The following PEX1 variants were observed in gnomAD, a reference collection of about 807,000 sequenced individuals.
PEX1 encodes the protein peroxisomal biogenesis factor 1.
PEX1 carries 97 observed loss-of-function variants against 152.5 expected under a neutral mutation model. The ratio of observed to expected loss-of-function variants is 0.64; its 90% confidence interval spans 0.54 to 0.75. The LOEUF (loss-of-function observed/expected upper bound fraction) is 0.75, where lower values mean the gene tolerates loss of function less well. PEX1 is among the 30% of genes least tolerant of loss of function. The pLI, the probability that PEX1 is intolerant of heterozygous loss-of-function variation, is 0.00. For missense variants in PEX1, 1,357 were observed against 1,516.3 expected, an observed-to-expected ratio of 0.89 and a Z score of 1.74; for synonymous variants, 485 against 531.6, an observed-to-expected ratio of 0.91 and a Z score of 1.21.
At position 92,496,703 on chromosome 7, in the gene PEX1, G is replaced by T. The variant is rs766160850; in HGVS notation, c.2783+10C>A. 1 of 1,575,762 alleles carries T rather than the reference G, an allele frequency of 6.3e-7. No individual in the cohort carries two copies. The highest frequency in any genetic ancestry group is 1.3e-5 in the African/African-American group (1 of 74,236). ...GTCAGTTACTTTAAAAACATTCATAGGCTACCAACCTAATAAAAATATCCC... is the reference window on the plus strand; with the variant it reads ...GTCAGTTACTTTAAAAACATTCATATGCTACCAACCTAATAAAAATATCCC... On this transcript the variant is annotated intron_variant, in intron 17 of 23. Transcript: ENST00000248633.
intron 16 of PEX1, 56 bp downstream of exon 16, chr7:92,499,648 A>G (rs1791826593): frequency 7.0e-7 from 1 of 1,420,372 alleles, no homozygotes; most frequent in Non-Finnish European, 1.0e-6. Flanking sequence ...GAAATGGCTA[A>G]CTGCATTTAT....
At position 92,504,710 on chromosome 7, in the gene PEX1, A is replaced by T. The variant is rs757484132; in HGVS notation, c.2071+22T>A. Reference sequence around the variant, plus strand: ...TGACTGACAAAAGAACAAGACCTTAAGCCAGTGGTGGATGCATTTACCATG... The same window carrying T: ...TGACTGACAAAAGAACAAGACCTTATGCCAGTGGTGGATGCATTTACCATG... On this transcript the variant is annotated intron_variant, in intron 12 of 23. Transcript: ENST00000248633. 3.0e-5 allele frequency: 49 copies of T among 1,611,290 alleles called. 1 individual carries two copies. In the South Asian group the frequency reaches 4.9e-4, roughly 16 times the overall value.
At chr7:92,515,778 G>A (rs1792709896) in intron 5 of PEX1, among the ~76,000 whole-genome samples, 1 of 152,028 alleles carries the variant, frequency 6.6e-6, no homozygotes, top group Non-Finnish European at 1.5e-5. Flanking sequence ...CGGATCACTT[G>A]AGACCAGGAG....
At position 92,495,050 on chromosome 7, in the gene PEX1, C is replaced by T. The variant is rs1417730393; in HGVS notation, c.2784-421G>A. ...TTTTATATTAATATATACTTATTGGCCACCCTTCCTTCTTTTGTGAAATGC... is the reference window on the plus strand; with the variant it reads ...TTTTATATTAATATATACTTATTGGTCACCCTTCCTTCTTTTGTGAAATGC... On this transcript the variant is annotated intron_variant, in intron 17 of 23. Coordinates refer to ENST00000248633, the MANE Select transcript of PEX1 (RefSeq NM_000466.3). Among the ~76,000 whole-genome samples, 4 of 152,032 alleles carry T rather than the reference C, an allele frequency of 2.6e-5. No homozygotes were observed. In the East Asian group the frequency reaches 7.7e-4, roughly 29 times the overall value.
chr7:92,487,685 TA>T (rs1344848754), intron 23 of PEX1, 144 bp from the exon 24 acceptor site: 2 of 462,544 alleles, frequency 4.3e-6, no homozygotes, highest in African/African-American at 4.1e-5. Flanking sequence ...TCACAGAAAT[TA>T]AAAAGAATTC....
At chr7:92,516,297 C>T (rs1792783456) in intron 5 of PEX1, among the ~76,000 whole-genome samples, 1 of 151,712 alleles carries the variant, frequency 6.6e-6, no homozygotes, top group Non-Finnish European at 1.5e-5. Context: ...CGTGGTGGTG[C>T]ATGCCTGTAG....
chr7:92,501,835 A>G, intron 14 of PEX1, 55 bp downstream of exon 14: 4 of 1,492,432 alleles, frequency 2.7e-6, no homozygotes, highest in Non-Finnish European at 3.7e-6. Flanking sequence ...CTACAATTAC[A>G]TTTCTCCACA....
intron 11 of PEX1, among the ~76,000 whole-genome samples, 155 bp downstream of exon 11, chr7:92,506,093 C>T (rs1308328776): frequency 2.7e-5 from 1 of 36,460 alleles, no homozygotes; most frequent in Non-Finnish European, 5.8e-5. Context: ...TTATCAAAAA[C>T]ATTAGAAAGC....
chr7:92,513,850 A>C lies in PEX1; in HGVS notation c.1357T>G (p.Leu453Val), dbSNP rs1302575932. 6.9e-6 allele frequency: 11 copies of C among 1,598,332 alleles called. No homozygotes were observed. The highest frequency in any genetic ancestry group is 9.4e-6 in the Non-Finnish European group (11 of 1,166,764). ...GTAACATATATATTTGAACTCACTA[A>C]ATTCTCTCTAGGTTGTAACTTTAGA... ...RSLKLQPREN[L>V]PKDISEEDIK... is the part of the protein sequence containing the mutation. Residue 453 changes from leucine to valine, a missense_variant and splice_region_variant, in exon 6 of 24, where the codon TTA becomes GTA. Leu to Val is a conservative substitution (Grantham distance 32, BLOSUM62 1). Transcript: ENST00000248633.
At chr7:92,511,108 G>T in intron 7 of PEX1, 61 bp from the exon 8 acceptor site, 2 of 820,096 alleles carry the variant, frequency 2.4e-6, no homozygotes, top group Non-Finnish European at 4.1e-6. Flanking sequence ...AATAATTTAA[G>T]ATTTTAAATG....
At chr7:92,491,753 T>G (rs560131319) in intron 20 of PEX1, 23 of 462,872 alleles carry the variant, frequency 5.0e-5, no homozygotes, top group African/African-American at 3.3e-4. Context: ...AAGCTAAGAC[T>G]CAGACCTCTG....
intron 5 of PEX1, among the ~76,000 whole-genome samples, chr7:92,516,008 A>AAAGAAAAGAG (rs1452002272): frequency 1.2e-3 from 126 of 103,488 alleles, no homozygotes; most frequent in African/African-American, 3.1e-3. Flanking sequence ...AAAGAAAAGA[A>AAAGAAAAGAG]AAGAGAAGAG....
At chr7:92,517,132 G>A (rs1472685978) in intron 5 of PEX1, 144 bp downstream of exon 5, 4 of 695,190 alleles carry the variant, frequency 5.8e-6, no homozygotes, top group Non-Finnish European at 7.5e-6. Flanking sequence ...ACTGCAAAGC[G>A]TAAATGTGTC....
chr7:92,510,828 C>G, intron 8 of PEX1, 116 bp downstream of exon 8: 1 of 624,006 alleles, frequency 1.6e-6, no homozygotes. Flanking sequence ...ATTCCTTACT[C>G]TTAGCAGGTT....
intron 21 of PEX1, 25 bp downstream of exon 21, chr7:92,491,247 G>C: frequency 7.1e-7 from 1 of 1,412,824 alleles, no homozygotes; most frequent in Non-Finnish European, 1.0e-6. Flanking sequence ...TTTCAGAACT[G>C]TATAATGATG....
In PEX1 at chr7:92,504,735, G is replaced by A. The variant is rs746184671; in HGVS notation, c.2068C>T (p.His690Tyr). 1.2e-6 allele frequency: 2 copies of A among 1,613,928 alleles called. No homozygotes were observed. The highest frequency in any genetic ancestry group is 2.2e-5 in the South Asian group (2 of 91,050). ...AGCCAGTGGTGGATGCATTTACCAT[G>A]AGCAAGCCGCTGGCTCTGCACCGCA... ...PDAVQSQRLA[H>Y]ALNDMIKEFI... Residue 690 changes from histidine (H) to tyrosine (Y), a missense_variant, in exon 12 of 24, where the codon CAT becomes TAT. His to Tyr is a moderately conservative substitution (Grantham distance 83, BLOSUM62 2). Transcript: ENST00000248633.
chr7:92,498,977 A>T (rs995515693), intron 16 of PEX1, among the ~76,000 whole-genome samples: 1 of 152,244 alleles, frequency 6.6e-6, no homozygotes, highest in Admixed American at 6.5e-5. Context: ...TACAAGAGAG[A>T]GGTGGCTCAT....
rs755475837 is a variant in PEX1 at position 92,494,379 on chromosome 7, C to T, written c.2944G>A (p.Ala982Thr). 6.2e-7 allele frequency: 1 copy of T among 1,613,926 alleles called. No homozygotes were observed. Among genetic ancestry groups the T allele is most frequent in the South Asian group, 1.1e-5 (1 of 91,076 alleles). The change falls in exon 19 of 24, where the codon GCT (alanine) becomes ACT (threonine). Residue 982 changes from alanine to threonine, a missense_variant. By Grantham distance (58) the Ala-to-Thr change is moderately conservative. Coordinates refer to ENST00000248633, the MANE Select transcript of PEX1 (RefSeq NM_000466.3). Reference protein sequence around the residue: ...EGLQGVYVLAATSRPDLIDPA... With the variant: ...EGLQGVYVLATTSRPDLIDPA... ...TCAATCAAGTCAGGGCGACTAGTAGCAGCCAATACATAAACACCTAGAGGA... is the reference window on the plus strand; with the variant it reads ...TCAATCAAGTCAGGGCGACTAGTAGTAGCCAATACATAAACACCTAGAGGA...
chr7:92,510,949 T>G lies in PEX1; in HGVS notation c.1582A>C (p.Ile528Leu). 7.0e-7 allele frequency: 1 copy of G among 1,438,074 alleles called. No homozygotes were observed. The highest frequency in any genetic ancestry group is 9.8e-7 in the Non-Finnish European group (1 of 1,020,810). 89.1% of individuals were successfully genotyped at this position (1,438,074 alleles called of 1,614,324 possible). The change falls in exon 8 of 24, where the codon ATA becomes CTA. Residue 528 changes from isoleucine to leucine, a missense_variant. By Grantham distance (5) the Ile-to-Leu change is conservative. Coordinates refer to ENST00000248633, the MANE Select transcript of PEX1 (RefSeq NM_000466.3). ...ATTCAATAACATGCTATTACTTGTA[T>G]TGTAGTCTTCTGCAGCAAATTGGGA... ...LSPNLLQKTT[I>L]QVLLDPMVKE...
Sources: allele counts gnomAD v4.1 joint callset (sites outside exome capture counted in the v4.1 genomes callset), GRCh38; gene constraint gnomAD v4.1.1; transcripts MANE v1.5; gene names NCBI Gene and HGNC (gene_info 2026-07-23, HGNC 2026-07-21).